Variants in TENM3 observed in about 807,000 individuals in gnomAD.
TENM3 encodes the protein teneurin transmembrane protein 3.
In TENM3, 63 loss-of-function variants were observed where a neutral mutation model predicts 255.1. That is an observed-to-expected ratio of 0.25 (90% confidence interval 0.20 to 0.30). The LOEUF is 0.30. Ranked by LOEUF, TENM3 falls within the 10% of genes least tolerant of loss-of-function variation. TENM3 has a pLI of 1.00. For synonymous variants in TENM3, 1,306 were observed against 1,322.3 expected (o/e 0.99, Z 0.27); for missense variants, 2,929 against 3,461.1 (o/e 0.85, Z 3.86).
the TENM3 span, among the ~76,000 whole-genome samples, chr4:182,010,050 C>G: frequency 6.8e-6 from 1 of 146,876 alleles, no homozygotes; most frequent in Non-Finnish European, 1.5e-5. Flanking sequence ...GATGAGTGAA[C>G]CTGGATACTT....
At chr4:181,620,468 C>G in the TENM3 span, among the ~76,000 whole-genome samples, 2 of 151,716 alleles carry the variant, frequency 1.3e-5, no homozygotes, top group Non-Finnish European at 2.9e-5. Context: ...ATTTCTAATC[C>G]GGGTTTGGCT....
intron 3 of TENM3, among the ~76,000 whole-genome samples, chr4:182,594,015 T>A (rs369779462): frequency 6.6e-6 from 1 of 151,718 alleles, no homozygotes; most frequent in African/African-American, 2.4e-5. Context: ...CAGATATGCA[T>A]TGTTTTGTTT....
chr4:182,755,458 C>T (rs549346500), intron 22 of TENM3, 199 bp downstream of exon 22: 11 of 543,902 alleles, frequency 2.0e-5, no homozygotes, highest in Non-Finnish European at 2.2e-5. Flanking sequence ...GGGAGGATTG[C>T]TTGAGCCCAG....
the TENM3 span, among the ~76,000 whole-genome samples, chr4:181,474,316 T>TA: frequency 1.3e-5 from 2 of 152,104 alleles, no homozygotes; most frequent in Admixed American, 6.5e-5. Context: ...TAAAGTATGA[T>TA]AAAAAATTTT....
chr4:182,078,919 G>C, the TENM3 span, among the ~76,000 whole-genome samples: 1 of 152,186 alleles, frequency 6.6e-6, no homozygotes, highest in Admixed American at 6.5e-5. Flanking sequence ...CAGGTGCCCA[G>C]ACCTACTCTT....
At chr4:181,876,524 C>T in the TENM3 span, among the ~76,000 whole-genome samples, 1 of 152,092 alleles carries the variant, frequency 6.6e-6, no homozygotes, top group Non-Finnish European at 1.5e-5. Context: ...AGTTTCTATA[C>T]CTAGTATCTA....
chr4:182,633,212 A>G (rs534733263), intron 5 of TENM3, among the ~76,000 whole-genome samples: 1 of 152,172 alleles, frequency 6.6e-6, no homozygotes, highest in Non-Finnish European at 1.5e-5. Context: ...GATGACAGGA[A>G]TGAGCCACCA....
chr4:181,590,392 C>A, the TENM3 span, among the ~76,000 whole-genome samples: 6 of 152,116 alleles, frequency 3.9e-5, no homozygotes, highest in African/African-American at 1.4e-4. Flanking sequence ...AACTCCTGTC[C>A]GATTTACCTA....
chr4:181,782,240 C>T, the TENM3 span, among the ~76,000 whole-genome samples: 6 of 152,038 alleles, frequency 3.9e-5, no homozygotes, highest in East Asian at 1.9e-4. Flanking sequence ...GCTGTGAATC[C>T]GTCTGGCCCT....
intron 1 of TENM3, among the ~76,000 whole-genome samples, chr4:182,226,295 G>A (rs181543876): frequency 4.1e-4 from 63 of 152,206 alleles, no homozygotes; most frequent in Non-Finnish European, 7.4e-5. Flanking sequence ...GTGAATGAAT[G>A]CACGCAGAGC....
At chr4:182,574,996 G>A (rs1404252413) in intron 3 of TENM3, among the ~76,000 whole-genome samples, 3 of 152,016 alleles carry the variant, frequency 2.0e-5, no homozygotes, top group Non-Finnish European at 4.4e-5. Flanking sequence ...CTTTATAACC[G>A]ATTTTTGCCT....
intron 1 of TENM3, among the ~76,000 whole-genome samples, chr4:182,210,790 A>G (rs1377087957): frequency 6.6e-5 from 10 of 151,152 alleles, no homozygotes; most frequent in Non-Finnish European, 8.8e-5. Context: ...GGTCTTCCCC[A>G]CTCTTCCTGC....
chr4:182,787,143 G>A (rs997797802), intron 24 of TENM3, among the ~76,000 whole-genome samples: 1 of 152,222 alleles, frequency 6.6e-6, no homozygotes, highest in African/African-American at 2.4e-5. Context: ...CATAAGGCAG[G>A]GAGCAACTGA....
At chr4:182,084,652 T>C in the TENM3 span, among the ~76,000 whole-genome samples, 2 of 152,192 alleles carry the variant, frequency 1.3e-5, no homozygotes, top group Non-Finnish European at 2.9e-5. Context: ...GATGAAGTGA[T>C]ATCATGATAG....
chr4:182,426,172 T>A (rs1435549612), intron 3 of TENM3, among the ~76,000 whole-genome samples: 2 of 152,128 alleles, frequency 1.3e-5, no homozygotes, highest in African/African-American at 4.8e-5. Flanking sequence ...ATGTGAACCA[T>A]AAGTTCAGCT....
chr4:182,466,716 C>T (rs774916110), intron 3 of TENM3, among the ~76,000 whole-genome samples: 10 of 151,974 alleles, frequency 6.6e-5, no homozygotes, highest in East Asian at 1.9e-4. Context: ...ACCAATTATA[C>T]GCCAAGGACC....
chr4:182,134,552 G>C, the TENM3 span, among the ~76,000 whole-genome samples: 1 of 152,162 alleles, frequency 6.6e-6, no homozygotes, highest in Non-Finnish European at 1.5e-5. Flanking sequence ...AGGGGAAGGT[G>C]AATCCTGGTC....
At chr4:182,628,917 G>C (rs748916594) in intron 5 of TENM3, 28 bp downstream of exon 5, 11 of 1,331,802 alleles carry the variant, frequency 8.3e-6, no homozygotes, top group Non-Finnish European at 1.1e-5. Flanking sequence ...GAATTACTTT[G>C]TCTGTAAATC....
chr4:181,534,849 C>T, the TENM3 span, among the ~76,000 whole-genome samples: 5 of 152,166 alleles, frequency 3.3e-5, no homozygotes, highest in African/African-American at 1.2e-4. Context: ...CACTCAAACT[C>T]AGAACAGTCC....
Sources: allele counts gnomAD v4.1 joint callset (sites outside exome capture counted in the v4.1 genomes callset), GRCh38; gene constraint gnomAD v4.1.1; transcripts MANE v1.5; gene names NCBI Gene and HGNC (gene_info 2026-07-23, HGNC 2026-07-21).